Variants in MCF2 observed in about 807,000 individuals in gnomAD.
MCF2 encodes MCF.2 cell line derived transforming sequence.
A neutral mutation model predicts 82.5 loss-of-function variants in MCF2; 44 were observed. The observed-to-expected ratio is 0.53, with a 90% CI of 0.42 to 0.69. MCF2 has a LOEUF of 0.69. Among genes scored for constraint, MCF2 ranks in the 30% least tolerant of loss-of-function variants. The pLI, the probability that MCF2 is intolerant of heterozygous loss-of-function variation, is 0.00. For synonymous variants in MCF2, 217 were observed against 224.9 expected (o/e 0.96, Z 0.32); for missense variants, 623 against 663.1 (o/e 0.94, Z 0.66).
chrX:139,613,336 CTAA>C lies in MCF2; in HGVS notation c.1363+1542_1363+1544del. On this transcript the variant is annotated intron_variant, in intron 10 of 24. Transcript: ENST00000370576. ...ATGAAACAATACAAAACAAAATGTGCTAATGAGTGACTAATGACTTGCATGGAT... is the reference window on the plus strand; with the variant it reads ...ATGAAACAATACAAAACAAAATGTGCTGAGTGACTAATGACTTGCATGGAT... 4 of 790,039 alleles carry C rather than the reference CTAA, an allele frequency of 5.1e-6. No individual in the cohort carries two copies. The South Asian group carries it at 1.0e-4, about 20-fold the overall frequency. The allele number at this position is 790,039 out of a possible 1,213,427, so 65.1% of individuals were successfully genotyped here.
intron 11 of MCF2, among the ~76,000 whole-genome samples, chrX:139,608,545 A>G (rs554467079): frequency 1.3e-4 from 14 of 111,302 alleles, no homozygotes; most frequent in South Asian, 3.8e-4. Context: ...TCTCAGCTGT[A>G]TTGGACAGCT....
intron 1 of MCF2, among the ~76,000 whole-genome samples, chrX:139,637,074 T>C (rs774186669): frequency 8.9e-6 from 1 of 112,097 alleles, no homozygotes; most frequent in Non-Finnish European, 1.9e-5. Context: ...AAAACTTCAT[T>C]TATTGACTAC....
chrX:139,692,617 G>A (rs1421127472), intron 1 of MCF2, among the ~76,000 whole-genome samples: 2 of 111,859 alleles, frequency 1.8e-5, no homozygotes, highest in African/African-American at 6.5e-5. Context: ...CTTGTGGTGG[G>A]AGGAGACAGC....
chrX:139,674,987 A>G (rs1014854841), intron 1 of MCF2, among the ~76,000 whole-genome samples: 9 of 112,057 alleles, frequency 8.0e-5, no homozygotes, highest in Non-Finnish European at 1.3e-4. Flanking sequence ...GTCTTTTCAC[A>G]TAGTCCCATA....
chrX:139,641,989 C>A (rs1422146184), intron 1 of MCF2, among the ~76,000 whole-genome samples: 2 of 111,252 alleles, frequency 1.8e-5, no homozygotes, highest in Non-Finnish European at 1.9e-5. Context: ...GATTTCAAAT[C>A]ATTACAGATT....
intron 1 of MCF2, among the ~76,000 whole-genome samples, chrX:139,679,708 A>G (rs1934954970): frequency 9.0e-6 from 1 of 111,150 alleles, no homozygotes; most frequent in Non-Finnish European, 1.9e-5. Flanking sequence ...CATGTATTAA[A>G]AAAATGAAAA....
chrX:139,647,584 G>A (rs17002206), upstream of MCF2, among the ~76,000 whole-genome samples: 1 of 110,812 alleles, frequency 9.0e-6, no homozygotes, highest in Non-Finnish European at 1.9e-5. Flanking sequence ...TGACCAAGTG[G>A]GTGACCTTGA....
intron 10 of MCF2, among the ~76,000 whole-genome samples, chrX:139,614,376 G>A (rs571808968): frequency 9.0e-6 from 1 of 111,448 alleles, no homozygotes. Context: ...CTTACTAGAA[G>A]CTTATAAGAA....
chrX:139,632,378 A>G, exon 2 of MCF2: 1 of 1,199,993 alleles, frequency 8.3e-7, no homozygotes, highest in African/African-American at 1.7e-5. Context: ...CCAAAATCCA[A>G]TGTCTGTGAA....
intron 1 of MCF2, among the ~76,000 whole-genome samples, chrX:139,676,635 T>C: frequency 8.9e-6 from 1 of 111,858 alleles, no homozygotes; most frequent in East Asian, 2.8e-4. Context: ...TTTCTTTTAT[T>C]GGTAAAGTGG....
chrX:139,675,256 G>A (rs1934832062), intron 1 of MCF2, among the ~76,000 whole-genome samples: 1 of 111,948 alleles, frequency 8.9e-6, no homozygotes, highest in African/African-American at 3.3e-5. Flanking sequence ...TCCTCCTTTA[G>A]CTTGGAGAAG....
At chrX:139,622,192 A>G (rs867666411) in intron 6 of MCF2, among the ~76,000 whole-genome samples, 2 of 112,105 alleles carry the variant, frequency 1.8e-5, no homozygotes, top group East Asian at 2.8e-4. Flanking sequence ...ACCATCTCAC[A>G]CAAGTTAGAA....
rs144050688 is a variant in MCF2 at position 139,672,308 on chromosome X, C to A, written c.-44-20520G>T. Among the ~76,000 whole-genome samples, 924 of 112,459 alleles carry A rather than the reference C, an allele frequency of 8.2e-3. 7 individuals are homozygous for A. The highest frequency in any genetic ancestry group is 0.027 in the African/African-American group (842 of 30,973). On this transcript the variant is annotated intron_variant, in intron 1 of 27. Transcript: ENST00000414978. ...TTTCCTAACTGAATACGCTTTATTT[C>A]TTTCTCTTGCCTGATTGCCCTGGCC...
intron 22 of MCF2, among the ~76,000 whole-genome samples, chrX:139,587,421 A>G (rs888838442): frequency 3.6e-5 from 4 of 111,710 alleles, no homozygotes; most frequent in Middle Eastern, 4.6e-3. Context: ...TTTGAAAAAA[A>G]AAGCTTATGA....
chrX:139,590,680 C>T (rs1929436816), intron 19 of MCF2, among the ~76,000 whole-genome samples: 1 of 110,711 alleles, frequency 9.0e-6, no homozygotes, highest in African/African-American at 3.3e-5. Context: ...CACTCCTTTG[C>T]ACAAACATTC....
At chrX:139,584,187 G>C (rs1202279766) in intron 24 of MCF2, among the ~76,000 whole-genome samples, 1 of 98,073 alleles carries the variant, frequency 1.0e-5, no homozygotes, top group Non-Finnish European at 2.0e-5. Context: ...CCAGGCTGGA[G>C]TGCAAGGGCA....
chrX:139,617,423 G>A, intron 8 of MCF2, 90 bp downstream of exon 11: 1 of 629,211 alleles, frequency 1.6e-6, no homozygotes, highest in Non-Finnish European at 2.4e-6. Context: ...AGTATTCCAT[G>A]CGACAGGAGG....
exon 9 of MCF2, chrX:139,616,421 T>C (rs1569359508): frequency 1.7e-6 from 2 of 1,176,849 alleles, no homozygotes; most frequent in African/African-American, 1.8e-5. Context: ...CTGAAACTTA[T>C]CTATTTCCTG....
At chrX:139,582,490 T>A in exon 25 of MCF2, 1 of 1,208,130 alleles carries the variant, frequency 8.3e-7, no homozygotes, top group Non-Finnish European at 1.1e-6. Context: ...GAGAGCCATC[T>A]CCGACACAGG....
Sources: gnomAD v4.1 joint callset for allele counts (sites outside exome capture counted in the v4.1 genomes callset) on GRCh38, gnomAD v4.1.1 for gene constraint, MANE v1.5 for transcripts, NCBI Gene and HGNC (gene_info 2026-07-23, HGNC 2026-07-21) for gene names.